ZXDC: variants seen among roughly 807,000 people sequenced by gnomAD.
The protein encoded by ZXDC is ZXD family zinc finger C.
In ZXDC, 58 loss-of-function variants were observed where a neutral mutation model predicts 63.6. That is an observed-to-expected ratio of 0.91 (90% CI 0.74 to 1.13). ZXDC has a LOEUF of 1.13. Ranked by LOEUF, ZXDC falls within the 50% of genes most tolerant of loss-of-function variation. The pLI, the probability that ZXDC is intolerant of heterozygous loss-of-function variation, is 0.00. For synonymous variants in ZXDC, 561 were observed against 496.1 expected (o/e 1.13, Z -1.74); for missense variants, 1,133 against 1,148.9 (o/e 0.99, Z 0.20).
rs771006006 is a variant in ZXDC, at chr3:126,459,774, G to A, written c.2128-37C>T. 5.0e-6 allele frequency: 8 copies of A among 1,614,060 alleles called. No individual in the cohort carries two copies. In the South Asian group the frequency reaches 8.8e-5, roughly 18 times the overall value. On this transcript the variant is annotated intron_variant, in intron 6 of 9. Coordinates refer to ENST00000389709, the MANE Select transcript of ZXDC (RefSeq NM_025112.5). ...GAAAAGCATGTCAGTCACTTATCTA[G>A]ACACAAAGGAAGGGTAGCAAGGGAG...
intron 7 of ZXDC, among the ~76,000 whole-genome samples, chr3:126,444,888 C>T (rs1268735295): frequency 6.6e-6 from 1 of 152,232 alleles, no homozygotes; most frequent in Non-Finnish European, 1.5e-5. Context: ...CATGGTTACA[C>T]TTTCCTTTTA....
intron 6 of ZXDC, 100 bp from the exon 7 acceptor site, chr3:126,459,837 C>T (rs1402898480): frequency 3.8e-6 from 6 of 1,593,522 alleles, no homozygotes; most frequent in Non-Finnish European, 5.1e-6. Context: ...GGGACATATC[C>T]GAGCTCCCAA....
rs1044264525 is a variant in ZXDC at position 126,453,406 on chromosome 3, A to C, written c.2212+6247T>G. 1.3e-5 allele frequency: 13 copies of C among 985,326 alleles called. No homozygotes were observed. In the African/African-American group the frequency reaches 2.1e-4, roughly 16 times the overall value. The allele number at this position is 985,326 out of a possible 1,614,324, so 61.0% of individuals were successfully genotyped here. ...ATAAGCTGTCACATTTAAGCATCAA[A>C]ATCTGGATTTGACTCTGTTCTGATA... On this transcript the variant is annotated intron_variant, in intron 7 of 9. Coordinates refer to ENST00000389709, the MANE Select transcript of ZXDC (RefSeq NM_025112.5).
At position 126,441,899 on chromosome 3, in the gene ZXDC, G is replaced by A; in HGVS notation, c.2260C>T (p.Pro754Ser). Reference sequence around the variant, plus strand: ...TTCTGGCTTGCATGGAAATGGGGAGGACTCATTTTGCCTTCTTTTATTTTT... The same window carrying A: ...TTCTGGCTTGCATGGAAATGGGGAGAACTCATTTTGCCTTCTTTTATTTTT... ...QRKIKEGKMS[P>S]PHFHASQNSW... The change falls in exon 8 of 10, where the codon CCT (proline) becomes TCT (serine). Residue 754 changes from proline (P) to serine (S), a missense_variant. By Grantham distance (74) the Pro-to-Ser change is moderately conservative (BLOSUM62 -1). Transcript: ENST00000389709. 6.2e-7 allele frequency: 1 copy of A among 1,612,612 alleles called. No individual in the cohort carries two copies. The highest frequency in any genetic ancestry group is 8.5e-7 in the Non-Finnish European group (1 of 1,179,396).
At chr3:126,452,307 A>C in intron 7 of ZXDC, 1 of 985,392 alleles carries the variant, frequency 1.0e-6, no homozygotes, top group Non-Finnish European at 1.2e-6. Flanking sequence ...ACCTGCTTGG[A>C]CTTCTGCATG....
rs1576685886 is a variant in ZXDC, at chr3:126,466,064, C to T, written c.1441+91G>A. The T allele has an allele frequency of 1.2e-5, 18 of 1,472,454 alleles. No individual in the cohort carries two copies. The South Asian group carries it at 2.1e-4, about 17-fold the overall frequency. 91.2% of individuals were successfully genotyped at this position (1,472,454 alleles called of 1,614,324 possible). ...CCACAACCCCACTGCCTGACGCCTT[C>T]CAAGAGGTGAAGAAGGAACAGACGG... On this transcript the variant is annotated intron_variant, in intron 5 of 9. Transcript: ENST00000389709.
chr3:126,439,572 GGAAGTC>G, intron 9 of ZXDC, 54 bp downstream of exon 9: 10 of 1,550,680 alleles, frequency 6.4e-6, no homozygotes, highest in Non-Finnish European at 7.8e-6. Context: ...CCAGGCTTCT[GGAAGTC>G]GAAGGCTCTG....
At chr3:126,460,098 CTT>C (rs1934465470) in intron 6 of ZXDC, 1 of 985,442 alleles carries the variant, frequency 1.0e-6, no homozygotes, top group Non-Finnish European at 1.2e-6. Context: ...TACCGCGACA[CTT>C]TTCACGCTGT....
chr3:126,473,021 C>A (rs570037460), intron 1 of ZXDC, among the ~76,000 whole-genome samples: 1 of 152,156 alleles, frequency 6.6e-6, no homozygotes, highest in Admixed American at 6.5e-5. Context: ...CCTCTTGGAG[C>A]CTTTAACGAG....
intron 8 of ZXDC, chr3:126,441,209 T>G: frequency 1.0e-6 from 1 of 985,764 alleles, no homozygotes; most frequent in South Asian, 4.7e-5. Flanking sequence ...CAGGTATCTG[T>G]GGCCCGGACA....
intron 4 of ZXDC, 28 bp downstream of exon 4, chr3:126,470,867 C>A (rs1230085263): frequency 6.2e-7 from 1 of 1,610,902 alleles, no homozygotes; most frequent in Admixed American, 1.7e-5. Flanking sequence ...ACTTAGTTTA[C>A]TGCTCAAAGC....
chr3:126,447,963 G>C (rs1403501363), intron 7 of ZXDC, among the ~76,000 whole-genome samples: 1 of 152,238 alleles, frequency 6.6e-6, no homozygotes, highest in Non-Finnish European at 1.5e-5. Context: ...TCTGAGGGCA[G>C]CCGGCCTTGG....
At chr3:126,459,932 A>C in intron 6 of ZXDC, 195 bp from the exon 7 acceptor site, 1 of 985,508 alleles carries the variant, frequency 1.0e-6, no homozygotes, top group Non-Finnish European at 1.2e-6. Context: ...AGCTGGAACA[A>C]TGTATGTGAC....
chr3:126,440,276 C>T lies in ZXDC; in HGVS notation c.2395-549G>A, dbSNP rs1027047309. 6.1e-6 allele frequency: 6 copies of T among 989,238 alleles called. No individual in the cohort carries two copies. The African/African-American group carries it at 1.0e-4, about 17-fold the overall frequency. 61.3% of individuals were successfully genotyped at this position (989,238 alleles called of 1,614,324 possible). A position where few individuals can be genotyped will look rare whatever the true frequency, so the allele number is the denominator to read the frequency against. On this transcript the variant is annotated intron_variant, in intron 8 of 9. Transcript: ENST00000389709. Reference sequence around the variant, plus strand: ...CGCCTGTCCTGCACCTGCATGTCCGCCCATGGCCATTCACACCCCGAAGCG... The same window carrying T: ...CGCCTGTCCTGCACCTGCATGTCCGTCCATGGCCATTCACACCCCGAAGCG...
chr3:126,471,260 T>C (rs1195089117), intron 3 of ZXDC, among the ~76,000 whole-genome samples: 1 of 152,246 alleles, frequency 6.6e-6, no homozygotes, highest in Non-Finnish European at 1.5e-5. Flanking sequence ...AAACAATTAA[T>C]GCTACTTCAA....
chr3:126,461,082 C>CA, intron 6 of ZXDC: 1 of 766,394 alleles, frequency 1.3e-6, no homozygotes, highest in South Asian at 6.0e-5. Context: ...AAACCCCACC[C>CA]TTTTTTTTTT....
chr3:126,441,934 G>A lies in ZXDC; in HGVS notation c.2225C>T (p.Ser742Phe). 1 of 1,604,078 alleles carries A rather than the reference G, an allele frequency of 6.2e-7. No individual in the cohort carries two copies. Among genetic ancestry groups the A allele is most frequent in the Non-Finnish European group, 8.5e-7 (1 of 1,174,826 alleles). Residue 742 changes from serine to phenylalanine, a missense_variant, in exon 8 of 10, where the codon TCT (serine) becomes TTT (phenylalanine). Coordinates refer to ENST00000389709, the MANE Select transcript of ZXDC (RefSeq NM_025112.5). ...GCCTTCTTTTATTTTTCTCTGAGTA[G>A]ACTGTGAGGCTCCTAAAATGAAATA... ...GAGSNAGASQ[S>F]TQRKIKEGKM...
chr3:126,464,628 T>C (rs1016074827), intron 5 of ZXDC, among the ~76,000 whole-genome samples: 1 of 151,988 alleles, frequency 6.6e-6, no homozygotes, highest in African/African-American at 2.4e-5. Context: ...AAAGTGCATC[T>C]AGTATAACAC....
intron 7 of ZXDC, chr3:126,453,502 A>G (rs1934190284): frequency 1.2e-5 from 12 of 985,340 alleles, no homozygotes; most frequent in Middle Eastern, 5.2e-4. Context: ...ACAGTAATAC[A>G]TAATAGTTGG....
Sources: allele counts gnomAD v4.1 joint callset (sites outside exome capture counted in the v4.1 genomes callset), GRCh38; gene constraint gnomAD v4.1.1; transcripts MANE v1.5; gene names NCBI Gene and HGNC (gene_info 2026-07-23, HGNC 2026-07-21).